NCOA6: variants seen among roughly 807,000 people sequenced by gnomAD.
The protein encoded by NCOA6 is NRC RAP250.
In NCOA6, 49 loss-of-function variants were observed where a neutral mutation model predicts 171.4. That is an observed-to-expected ratio of 0.29 (90% CI 0.23 to 0.36). The LOEUF is 0.36. Ranked by LOEUF, NCOA6 falls within the 10% of genes least tolerant of loss-of-function variation. NCOA6 has a pLI of 1.00. For synonymous variants in NCOA6, 910 were observed against 927.5 expected, an observed-to-expected ratio of 0.98 and a Z score of 0.34; for missense variants, 2,248 against 2,554.5, an observed-to-expected ratio of 0.88 and a Z score of 2.59.
chr20:34,740,288 G>A (rs1400219743), intron 11 of NCOA6, 75 bp downstream of exon 11: 10 of 1,512,084 alleles, frequency 6.6e-6, no homozygotes, highest in Non-Finnish European at 8.9e-7. Flanking sequence ...AGTAAAAAAG[G>A]AGTCATGCTT....
intron 5 of NCOA6, among the ~76,000 whole-genome samples, chr20:34,762,362 G>C (rs1756925960): frequency 6.6e-6 from 1 of 152,100 alleles, no homozygotes. Context: ...AGGTAAACCT[G>C]AGAATACTAT....
At chr20:34,732,345 G>C (rs1240881880) in intron 13 of NCOA6, among the ~76,000 whole-genome samples, 1 of 152,132 alleles carries the variant, frequency 6.6e-6, no homozygotes, top group Admixed American at 6.6e-5. Context: ...AACCATAAAA[G>C]GTAGAAACTT....
chr20:34,775,702 A>G (rs1429119642), intron 4 of NCOA6, among the ~76,000 whole-genome samples: 1 of 151,588 alleles, frequency 6.6e-6, no homozygotes, highest in Non-Finnish European at 1.5e-5. Context: ...AGAAAAAAAA[A>G]AGAAAAGAAA....
At chr20:34,774,248 CT>C (rs2077241283) in intron 4 of NCOA6, among the ~76,000 whole-genome samples, 1 of 152,186 alleles carries the variant, frequency 6.6e-6, no homozygotes, top group Non-Finnish European at 1.5e-5. Flanking sequence ...TTATGTATTC[CT>C]TAAAGTATAA....
rs762030650 is a variant in NCOA6 at position 34,741,070 on chromosome 20, C to T, written c.5186G>A (p.Gly1729Asp). The change falls in exon 11 of 15, where the codon GGT (glycine) becomes GAT (aspartate). Residue 1729 changes from glycine to aspartate, a missense_variant. Coordinates refer to ENST00000359003, the MANE Select transcript of NCOA6 (RefSeq NM_014071.5). ...SSSPAPNIQTGRPLVLSSRAT... is the reference protein window; with the variant it reads ...SSSPAPNIQTDRPLVLSSRAT... Reference sequence around the variant, plus strand: ...TCGTGAGCTAAGGACCAAAGGTCGACCTGTCTGGATGTTTGGAGCAGGACT... The same window carrying T: ...TCGTGAGCTAAGGACCAAAGGTCGATCTGTCTGGATGTTTGGAGCAGGACT... 92 of 1,614,072 alleles carry T rather than the reference C, an allele frequency of 5.7e-5. No homozygotes were observed. The highest frequency in any genetic ancestry group is 7.5e-5 in the Non-Finnish European group (88 of 1,180,046).
intron 14 of NCOA6, among the ~76,000 whole-genome samples, chr20:34,725,777 A>G (rs1249219812): frequency 6.6e-6 from 1 of 152,136 alleles, no homozygotes; most frequent in Non-Finnish European, 1.5e-5. Flanking sequence ...ATGGGGTACA[A>G]TGGCAGAGGA....
Position 34,757,370 on chromosome 20 carries a change from T to C in NCOA6, c.1378A>G (p.Asn460Asp). The stretch of plus-strand genomic sequence containing the variant: ...TGAAATCCCTGGGGAAGTGGGTTAT[T>C]TTGAGGTGGCCTTGGTCCCATCTGC... ...QQQMGPRPPQ[N>D]NPLPQGFQQP... Residue 460 changes from asparagine to aspartate, a missense_variant, in exon 7 of 15, where the codon AAT becomes GAT. Coordinates refer to ENST00000359003, the MANE Select transcript of NCOA6 (RefSeq NM_014071.5). The C allele has an allele frequency of 6.2e-7, 1 of 1,614,090 alleles. No individual in the cohort carries two copies. Among genetic ancestry groups the C allele is most frequent in the Non-Finnish European group, 8.5e-7 (1 of 1,179,974 alleles).
At chr20:34,746,439 C>T (rs759315881) in intron 10 of NCOA6, among the ~76,000 whole-genome samples, 3 of 152,128 alleles carry the variant, frequency 2.0e-5, no homozygotes, top group Admixed American at 1.3e-4. Flanking sequence ...GACAAGGTTT[C>T]ACCATGTTGC....
At position 34,741,488 on chromosome 20, in the gene NCOA6, T is replaced by C; in HGVS notation, c.4768A>G (p.Thr1590Ala). The change falls in exon 11 of 15, where the codon ACT (threonine) becomes GCT (alanine). Residue 1590 changes from threonine to alanine, a missense_variant. Transcript: ENST00000359003. ...GTTATTTGATTTGGGGGCAAGGGAG[T>C]GGAAATGGAGGAAGAGCTAACAGGT... is the stretch of plus-strand genomic sequence containing the variant. ...SRPVSSSSIS[T>A]PLPPNQITVF... 6.2e-7 allele frequency: 1 copy of C among 1,613,782 alleles called. No individual in the cohort carries two copies. Among genetic ancestry groups the C allele is most frequent in the East Asian group, 2.2e-5 (1 of 44,868 alleles).
At chr20:34,731,976 G>A (rs1197286026) in intron 13 of NCOA6, among the ~76,000 whole-genome samples, 5 of 152,188 alleles carry the variant, frequency 3.3e-5, no homozygotes, top group African/African-American at 7.2e-5. Flanking sequence ...TGCCGAGATC[G>A]TGCAACTGCA....
intron 3 of NCOA6, among the ~76,000 whole-genome samples, chr20:34,778,242 T>A (rs2077400649): frequency 6.6e-6 from 1 of 152,142 alleles, no homozygotes; most frequent in African/African-American, 2.4e-5. Flanking sequence ...AAGGATATCC[T>A]GCCACATGAA....
At chr20:34,816,011 C>T (rs2078823438) in intron 1 of NCOA6, among the ~76,000 whole-genome samples, 1 of 152,172 alleles carries the variant, frequency 6.6e-6, no homozygotes, top group Non-Finnish European at 1.5e-5. Flanking sequence ...ATGTCTTAGA[C>T]CTGGCATCCA....
At chr20:34,738,073 A>G (rs1325084590) in intron 11 of NCOA6, among the ~76,000 whole-genome samples, 3 of 151,690 alleles carry the variant, frequency 2.0e-5, no homozygotes, top group Non-Finnish European at 4.4e-5. Flanking sequence ...TAATTTTTAC[A>G]TATTTTTTTT....
rs141972107 is a variant in NCOA6, at chr20:34,811,731, T to A, written c.-164+13741A>T. On this transcript the variant is annotated intron_variant, in intron 1 of 14. Transcript: ENST00000359003. Reference sequence around the variant, plus strand: ...GTGGAATGGTTAATTGAAACAACATTATTTCATGAATGCCTCCATCTGAAT... The same window carrying A: ...GTGGAATGGTTAATTGAAACAACATAATTTCATGAATGCCTCCATCTGAAT... Among the ~76,000 whole-genome samples, 106 of 152,324 alleles carry A rather than the reference T, an allele frequency of 7.0e-4. 3 individuals carry two copies. The highest frequency in any genetic ancestry group is 2.3e-3 in the African/African-American group (94 of 41,576).
At chr20:34,811,738 T>C (rs1047841926) in intron 1 of NCOA6, among the ~76,000 whole-genome samples, 16 of 152,328 alleles carry the variant, frequency 1.1e-4, no homozygotes, top group African/African-American at 3.8e-4. Context: ...CATTATTTCA[T>C]GAATGCCTCC....
At chr20:34,804,697 CA>C (rs1474971756) in intron 1 of NCOA6, among the ~76,000 whole-genome samples, 1 of 151,490 alleles carries the variant, frequency 6.6e-6, no homozygotes, top group Non-Finnish European at 1.5e-5. Context: ...CTTTCTTTTT[CA>C]AAAAAATTAT....
chr20:34,763,585 G>C (rs1459997976), intron 5 of NCOA6, among the ~76,000 whole-genome samples: 1 of 152,138 alleles, frequency 6.6e-6, no homozygotes, highest in African/African-American at 2.4e-5. Flanking sequence ...ACTAGGAGAA[G>C]TATGCAATGA....
intron 1 of NCOA6, among the ~76,000 whole-genome samples, chr20:34,823,580 T>C (rs543848195): frequency 3.3e-5 from 5 of 152,342 alleles, no homozygotes; most frequent in Admixed American, 2.0e-4. Flanking sequence ...AATTCTTCTC[T>C]AACATGATCC....
intron 2 of NCOA6, among the ~76,000 whole-genome samples, chr20:34,788,460 A>C (rs2077757506): frequency 6.6e-6 from 1 of 152,126 alleles, no homozygotes; most frequent in South Asian, 2.1e-4. Flanking sequence ...ATTGCCACGG[A>C]GAGGGGTGGT....
Sources: gnomAD v4.1 joint callset for allele counts (sites outside exome capture counted in the v4.1 genomes callset) on GRCh38, gnomAD v4.1.1 for gene constraint, MANE v1.5 for transcripts, NCBI Gene and HGNC (gene_info 2026-07-23, HGNC 2026-07-21) for gene names.